SLC8A1: variants seen among roughly 807,000 people sequenced by gnomAD.
SLC8A1 encodes the protein sodium/calcium exchanger 1.
SLC8A1 carries 18 observed loss-of-function variants against 68.3 expected under a neutral mutation model. That is an observed-to-expected ratio of 0.26 (90% confidence interval 0.18 to 0.39). SLC8A1 has a LOEUF of 0.39. SLC8A1 is among the 10% of genes least tolerant of loss of function. SLC8A1 has a pLI of 1.00. For synonymous variants in SLC8A1, 475 were observed against 415.5 expected, an observed-to-expected ratio of 1.14 and a Z score of -1.74; for missense variants, 985 against 1,156.7, an observed-to-expected ratio of 0.85 and a Z score of 2.15.
intron 2 of SLC8A1, among the ~76,000 whole-genome samples, chr2:40,228,727 C>G (rs191637694): frequency 2.8e-4 from 43 of 152,192 alleles, no homozygotes; most frequent in African/African-American, 9.9e-4. Context: ...AAATGGTAGG[C>G]GAGCCTCAAA....
intron 7 of SLC8A1, among the ~76,000 whole-genome samples, chr2:40,129,107 T>C (rs2038784916): frequency 6.6e-6 from 1 of 152,228 alleles, no homozygotes; most frequent in South Asian, 2.1e-4. Flanking sequence ...TGAAATTGTA[T>C]GTACTACAAA....
At chr2:40,400,734 T>TG (rs1268207309) in intron 2 of SLC8A1, among the ~76,000 whole-genome samples, 2 of 151,920 alleles carry the variant, frequency 1.3e-5, no homozygotes. Context: ...CCTTGCAAGA[T>TG]GGGGGTAGGA....
intron 2 of SLC8A1, among the ~76,000 whole-genome samples, chr2:40,342,317 T>C (rs1432289106): frequency 6.6e-6 from 1 of 152,184 alleles, no homozygotes; most frequent in African/African-American, 2.4e-5. Flanking sequence ...TTACTGGATC[T>C]CTAATTAATA....
chr2:40,224,176 C>T (rs1336484677), intron 2 of SLC8A1, among the ~76,000 whole-genome samples: 1 of 152,066 alleles, frequency 6.6e-6, no homozygotes, highest in East Asian at 1.9e-4. Flanking sequence ...CACTTAGCAC[C>T]ATACTCTTTT....
chr2:40,415,313 G>A lies in SLC8A1; in HGVS notation c.1808+13160C>T, dbSNP rs559700349. Among the ~76,000 whole-genome samples the A allele has an allele frequency of 2.6e-5, 4 of 152,066 alleles. No individual in the cohort carries two copies. In the South Asian group the frequency reaches 8.3e-4, roughly 32 times the overall value. ...AAAATTAAAGACATAATTGGTAACG[G>A]TTTTGACTGCTGCAGAGGCAACACT... On this transcript the variant is annotated intron_variant, in intron 2 of 7. Coordinates refer to ENST00000406785, the Ensembl canonical transcript of SLC8A1.
chr2:40,387,987 A>T (rs1684125013), intron 2 of SLC8A1, among the ~76,000 whole-genome samples: 1 of 151,858 alleles, frequency 6.6e-6, no homozygotes, highest in East Asian at 1.9e-4. Context: ...TGGGCTACTA[A>T]GGAAATCTCT....
At chr2:40,499,815 T>G in intron 1 of SLC8A1, among the ~76,000 whole-genome samples, 1 of 152,112 alleles carries the variant, frequency 6.6e-6, no homozygotes, top group East Asian at 1.9e-4. Flanking sequence ...AATCTGTTTT[T>G]CTGGAACACA....
chr2:40,256,678 A>T lies in SLC8A1; in HGVS notation c.1809-78823T>A, dbSNP rs2063976453. On this transcript the variant is annotated intron_variant, in intron 2 of 7. Coordinates refer to ENST00000406785, the Ensembl canonical transcript of SLC8A1. ...AACCTTTCCTAATGCTAAGCCAGGC[A>T]ATGGAGGGCAGGAAAAAAAAATGTC... Among the ~76,000 whole-genome samples the T allele has an allele frequency of 4.6e-5, 7 of 151,828 alleles. No homozygotes were observed. In the South Asian group the frequency reaches 1.5e-3, roughly 32 times the overall value.
chr2:40,181,278 T>C (rs55719982), intron 2 of SLC8A1, among the ~76,000 whole-genome samples: 1 of 152,148 alleles, frequency 6.6e-6, no homozygotes, highest in South Asian at 2.1e-4. Flanking sequence ...ATACTCTAAG[T>C]AGCTGATGGG....
At chr2:40,388,697 A>G (rs1311906621) in intron 2 of SLC8A1, among the ~76,000 whole-genome samples, 2 of 152,198 alleles carry the variant, frequency 1.3e-5, no homozygotes, top group Non-Finnish European at 2.9e-5. Context: ...GGACCAAATC[A>G]AATAACGCAA....
In SLC8A1 at chr2:40,447,588, T is replaced by TAA. The variant is rs139695930; in HGVS notation, c.-25+4314_-25+4315dup. Among the ~76,000 whole-genome samples, 413 of 139,282 alleles carry TAA rather than the reference T, an allele frequency of 3.0e-3. 2 individuals carry two copies. Among genetic ancestry groups the TAA allele is most frequent in the Non-Finnish European group, 5.3e-3 (336 of 63,598 alleles). 91.4% of individuals were successfully genotyped at this position (139,282 alleles called of 152,430 possible). ...GTTGACCTGATAAACCAATCCAAGTTAAAAAAAAAAAAAAAAAAAAGAAAG... is the reference window on the plus strand; with the variant it reads ...GTTGACCTGATAAACCAATCCAAGTTAAAAAAAAAAAAAAAAAAAAAAGAAAG... On this transcript the variant is annotated intron_variant, in intron 1 of 7. Coordinates refer to ENST00000406785, the Ensembl canonical transcript of SLC8A1.
At chr2:40,221,754 T>C (rs2058359176) in intron 2 of SLC8A1, among the ~76,000 whole-genome samples, 1 of 152,214 alleles carries the variant, frequency 6.6e-6, no homozygotes. Flanking sequence ...AGCCAAATCA[T>C]GAGTGAACTC....
intron 6 of SLC8A1, among the ~76,000 whole-genome samples, chr2:40,150,929 ATTTGC>A (rs1429008516): frequency 1.3e-5 from 2 of 152,124 alleles, no homozygotes; most frequent in African/African-American, 4.8e-5. Context: ...GATATCCTAA[ATTTGC>A]TTTGCTCACC....
chr2:40,177,918 T>G, intron 2 of SLC8A1: 4 of 1,047,188 alleles, frequency 3.8e-6, no homozygotes, highest in South Asian at 1.4e-5. Flanking sequence ...GCTCTTGGTG[T>G]CCACCAAGCT....
intron 2 of SLC8A1, among the ~76,000 whole-genome samples, chr2:40,411,924 T>C (rs960400230): frequency 5.3e-5 from 8 of 152,248 alleles, no homozygotes; most frequent in African/African-American, 1.9e-4. Flanking sequence ...AAAATTGAAT[T>C]TTTAGCATGT....
At chr2:40,248,121 C>G (rs191649184) in intron 2 of SLC8A1, among the ~76,000 whole-genome samples, 76 of 152,222 alleles carry the variant, frequency 5.0e-4, no homozygotes, top group African/African-American at 1.7e-3. Context: ...GGAGTAAGTA[C>G]CAATTTCTAC....
rs371592037 is a variant in SLC8A1, at chr2:40,473,650, C to T, written c.-25+38699G>A. 2.0e-5 allele frequency among the ~76,000 whole-genome samples: 3 copies of T among 152,080 alleles called. No homozygotes were observed. The East Asian group carries it at 5.8e-4, about 29-fold the overall frequency. On this transcript the variant is annotated intron_variant, in intron 1 of 7. Transcript: ENST00000402441. ...GTTGTTCAGAATATGAAATGGGTTG[C>T]CACACAGAGCAGTCTTGCTGTCGAA...
chr2:40,197,001 G>A (rs528922008), intron 2 of SLC8A1, among the ~76,000 whole-genome samples: 26 of 152,082 alleles, frequency 1.7e-4, no homozygotes, highest in African/African-American at 6.0e-4. Flanking sequence ...ATGGTAGATC[G>A]ATTTGTTCTG....
At chr2:40,253,831 CAAAAAAAAA>C (rs61434245) in intron 2 of SLC8A1, among the ~76,000 whole-genome samples, 1,720 of 60,084 alleles carry the variant, frequency 0.029, 27 homozygotes, top group Non-Finnish European at 0.038. Flanking sequence ...TGTCTGTCTC[CAAAAAAAAA>C]AAAAAAAAAA....
Sources: gnomAD v4.1 joint callset for allele counts (sites outside exome capture counted in the v4.1 genomes callset) on GRCh38, gnomAD v4.1.1 for gene constraint, MANE v1.5 for transcripts, NCBI Gene and HGNC (gene_info 2026-07-23, HGNC 2026-07-21) for gene names.